Variants in DLG2 observed in about 807,000 individuals in gnomAD.
The protein encoded by DLG2 is disks large homolog 2.
Under a neutral mutation model 132.5 loss-of-function variants are expected in DLG2, and 45 were observed. That is an observed-to-expected ratio of 0.34 (90% CI 0.27 to 0.44). The LOEUF (loss-of-function observed/expected upper bound fraction) is 0.44. Among genes scored for constraint, DLG2 ranks in the 20% least tolerant of loss-of-function variants. The pLI, the probability that DLG2 is intolerant of heterozygous loss-of-function variation, is 1.00. For missense variants in DLG2, 1,045 were observed against 1,196.9 expected, an observed-to-expected ratio of 0.87 and a Z score of 1.87; for synonymous variants, 424 against 419.6, an observed-to-expected ratio of 1.01 and a Z score of -0.13.
intron 10 of DLG2, among the ~76,000 whole-genome samples, chr11:84,079,874 G>T (rs1247243158): frequency 6.6e-6 from 1 of 152,102 alleles, no homozygotes; most frequent in Non-Finnish European, 1.5e-5. Context: ...CTTTGGGCAT[G>T]CATTCTCTGC....
intron 18 of DLG2, among the ~76,000 whole-genome samples, chr11:83,710,681 G>A (rs1489081446): frequency 1.3e-5 from 2 of 152,088 alleles, no homozygotes; most frequent in African/African-American, 4.8e-5. Context: ...CTGGTACAAG[G>A]ACATTCATGT....
At chr11:84,094,985 G>C (rs998037235) in intron 10 of DLG2, among the ~76,000 whole-genome samples, 9 of 152,022 alleles carry the variant, frequency 5.9e-5, no homozygotes, top group Non-Finnish European at 1.5e-5. Context: ...TTATAAACTT[G>C]AGAATAGAAG....
At chr11:85,536,214 CAAAA>C (rs527811605) in intron 3 of DLG2, among the ~76,000 whole-genome samples, 2 of 57,512 alleles carry the variant, frequency 3.5e-5, no homozygotes, top group African/African-American at 6.5e-5. Flanking sequence ...GACCCTGTCT[CAAAA>C]AAAAAAAAAA....
intron 3 of DLG2, among the ~76,000 whole-genome samples, chr11:85,464,410 G>C (rs887693399): frequency 9.9e-5 from 15 of 152,174 alleles, no homozygotes; most frequent in Admixed American, 2.6e-4. Context: ...CATGGGGCAA[G>C]GGAAGGGGTG....
intron 6 of DLG2, among the ~76,000 whole-genome samples, chr11:85,053,999 G>A (rs539274557): frequency 3.9e-5 from 6 of 151,962 alleles, no homozygotes; most frequent in East Asian, 2.0e-4. Flanking sequence ...AGGCACGGTG[G>A]CTCAGGCCTG....
chr11:84,402,712 C>G (rs2098834108), intron 7 of DLG2, among the ~76,000 whole-genome samples: 3 of 151,862 alleles, frequency 2.0e-5, no homozygotes, highest in Admixed American at 2.0e-4. Flanking sequence ...GAAACCCCGT[C>G]TCTACTAAAA....
intron 11 of DLG2, among the ~76,000 whole-genome samples, chr11:84,005,786 A>T (rs2094546467): frequency 6.6e-6 from 1 of 151,904 alleles, no homozygotes; most frequent in African/African-American, 2.4e-5. Context: ...ATCTTATCCC[A>T]GGTAGAATGG....
intron 6 of DLG2, among the ~76,000 whole-genome samples, chr11:84,886,766 A>G (rs539539611): frequency 9.2e-5 from 14 of 152,152 alleles, no homozygotes; most frequent in Non-Finnish European, 2.1e-4. Flanking sequence ...GACAGAATGT[A>G]TTTATTTCTG....
At chr11:83,588,437 G>A (rs1188362277) in intron 19 of DLG2, among the ~76,000 whole-genome samples, 2 of 152,076 alleles carry the variant, frequency 1.3e-5, no homozygotes, top group African/African-American at 2.4e-5. Flanking sequence ...TCTGTTAGAA[G>A]GAAAACTAAC....
chr11:84,114,612 T>A (rs2093539205), intron 9 of DLG2, among the ~76,000 whole-genome samples: 1 of 152,214 alleles, frequency 6.6e-6, no homozygotes, highest in Non-Finnish European at 1.5e-5. Flanking sequence ...TTCAATATGA[T>A]GTGTTTTTCT....
At chr11:85,283,429 T>C (rs1336052904) in intron 4 of DLG2, among the ~76,000 whole-genome samples, 3 of 151,126 alleles carry the variant, frequency 2.0e-5, no homozygotes, top group Non-Finnish European at 4.4e-5. Context: ...AAATTAAAAC[T>C]ATTTTGAAGG....
intron 2 of DLG2, among the ~76,000 whole-genome samples, chr11:85,604,145 C>A (rs2080355577): frequency 6.6e-6 from 1 of 152,164 alleles, no homozygotes; most frequent in Non-Finnish European, 1.5e-5. Flanking sequence ...GCTTACTATG[C>A]CTCTCATCGC....
intron 4 of DLG2, among the ~76,000 whole-genome samples, chr11:85,260,050 G>A (rs571812892): frequency 6.6e-6 from 1 of 152,222 alleles, no homozygotes; most frequent in African/African-American, 2.4e-5. Context: ...GCAGAACACA[G>A]AATAAAAATT....
intron 14 of DLG2, among the ~76,000 whole-genome samples, chr11:83,939,956 G>A (rs1201633755): frequency 2.0e-5 from 3 of 152,038 alleles, no homozygotes; most frequent in Non-Finnish European, 2.9e-5. Flanking sequence ...GGCTTTAATC[G>A]AATCACTTAA....
chr11:84,266,588 TGA>T (rs2097639760), intron 7 of DLG2, among the ~76,000 whole-genome samples: 1 of 152,214 alleles, frequency 6.6e-6, no homozygotes, highest in Non-Finnish European at 1.5e-5. Context: ...TTGAGGATGA[TGA>T]GTTAAGTACT....
At chr11:83,500,775 C>T (rs930377174) in intron 21 of DLG2, among the ~76,000 whole-genome samples, 36 of 151,986 alleles carry the variant, frequency 2.4e-4, no homozygotes, top group African/African-American at 8.2e-4. Flanking sequence ...GCAATTTTAT[C>T]TTCATTTAGA....
At chr11:85,525,792 T>A (rs1225484534) in intron 3 of DLG2, among the ~76,000 whole-genome samples, 1 of 152,160 alleles carries the variant, frequency 6.6e-6, no homozygotes, top group Admixed American at 6.6e-5. Context: ...ATGCATGTAG[T>A]CTCTCTGAGA....
Position 84,482,767 on chromosome 11 carries a change from A to G in DLG2, c.519+51803T>C, listed in dbSNP as rs115800073. 3.8e-3 allele frequency among the ~76,000 whole-genome samples: 580 copies of G among 152,278 alleles called. 7 individuals carry two copies. Among genetic ancestry groups the G allele is most frequent in the African/African-American group, 0.014 (566 of 41,556 alleles). On this transcript the variant is annotated intron_variant, in intron 7 of 27. Coordinates refer to ENST00000376104, the MANE Select transcript of DLG2 (RefSeq NM_001142699.3). ...AGAGCCCAAATATTATCTTATTCCT[A>G]GTTTGCTTCCCAAAGTTTATGACTT...
At chr11:84,743,559 A>G (rs1366150205) in intron 6 of DLG2, among the ~76,000 whole-genome samples, 1 of 152,198 alleles carries the variant, frequency 6.6e-6, no homozygotes, top group African/African-American at 2.4e-5. Flanking sequence ...TTTACACACT[A>G]GAGAAGACAA....
Sources: allele counts gnomAD v4.1 joint callset (sites outside exome capture counted in the v4.1 genomes callset), GRCh38; gene constraint gnomAD v4.1.1; transcripts MANE v1.5; gene names NCBI Gene and HGNC (gene_info 2026-07-23, HGNC 2026-07-21).